Variants in RHBDD1 observed in about 807,000 individuals in gnomAD.
The protein encoded by RHBDD1 is rhomboid-related protein 4.
Under a neutral mutation model 36.3 loss-of-function variants are expected in RHBDD1, and 38 were observed. That is an observed-to-expected ratio of 1.05 (90% CI 0.81 to 1.37). RHBDD1 has a LOEUF of 1.37. Among genes scored for constraint, RHBDD1 ranks in the 40% most tolerant of loss-of-function variants. The pLI is 0.00. For synonymous variants in RHBDD1, 151 were observed against 136.5 expected, an observed-to-expected ratio of 1.11 and a Z score of -0.74; for missense variants, 393 against 377.6, an observed-to-expected ratio of 1.04 and a Z score of -0.34.
chr2:226,814,508 G>A, the RHBDD1 span, among the ~76,000 whole-genome samples: 1 of 152,098 alleles, frequency 6.6e-6, no homozygotes, highest in Non-Finnish European at 1.5e-5. Flanking sequence ...GCACATCTGA[G>A]ATATAGAGTA....
chr2:226,905,960 C>G (rs1412435105), intron 5 of RHBDD1, among the ~76,000 whole-genome samples: 1 of 151,938 alleles, frequency 6.6e-6, no homozygotes, highest in African/African-American at 2.4e-5. Context: ...AAGAACAACT[C>G]GTTGTGTAGG....
rs189809688 is a variant in RHBDD1, at chr2:226,927,364, T to C, written c.856+13013T>C. On this transcript the variant is annotated intron_variant, in intron 8 of 8. Transcript: ENST00000392062. ...TTTTTGTTTTTTTGTTTTTTTGTTTTAATCCTTTCACCAGTTGAAGGATAT... is the reference window on the plus strand; with the variant it reads ...TTTTTGTTTTTTTGTTTTTTTGTTTCAATCCTTTCACCAGTTGAAGGATAT... 4.7e-3 allele frequency among the ~76,000 whole-genome samples: 715 copies of C among 152,228 alleles called. 5 individuals carry two copies. Among genetic ancestry groups the C allele is most frequent in the African/African-American group, 0.016 (674 of 41,560 alleles).
At chr2:226,842,141 G>A (rs1941707321) in intron 3 of RHBDD1, among the ~76,000 whole-genome samples, 1 of 151,650 alleles carries the variant, frequency 6.6e-6, no homozygotes, top group Admixed American at 6.6e-5. Flanking sequence ...TTTTAATGGG[G>A]TTGTTTTTTT....
chr2:226,814,050 G>T, the RHBDD1 span, among the ~76,000 whole-genome samples: 745 of 152,260 alleles, frequency 4.9e-3, 8 homozygotes, highest in African/African-American at 0.017. Flanking sequence ...GTTGCCTGCT[G>T]TTTTTGGGTG....
At chr2:226,840,896 TTAAG>T (rs1321153611) in intron 3 of RHBDD1, among the ~76,000 whole-genome samples, 1 of 152,054 alleles carries the variant, frequency 6.6e-6, no homozygotes, top group Admixed American at 6.5e-5. Context: ...TTTTTTTTTC[TTAAG>T]TAAAAAGTCT....
chr2:226,908,629 C>G, intron 6 of RHBDD1, 193 bp from the exon 7 acceptor site: 1 of 557,314 alleles, frequency 1.8e-6, no homozygotes, highest in South Asian at 2.2e-5. Context: ...ACATTCTTTT[C>G]CCTGTAGGGA....
At chr2:226,968,483 T>G (rs1952830944) in intron 8 of RHBDD1, among the ~76,000 whole-genome samples, 1 of 152,160 alleles carries the variant, frequency 6.6e-6, no homozygotes, top group Non-Finnish European at 1.5e-5. Flanking sequence ...ATCCACATTA[T>G]CTAAAATAAT....
the RHBDD1 span, among the ~76,000 whole-genome samples, chr2:226,806,072 ATCTC>A: frequency 6.6e-6 from 1 of 151,548 alleles, no homozygotes; most frequent in Non-Finnish European, 1.5e-5. Context: ...GTTAACGAAC[ATCTC>A]TCTCTCTCTC....
the RHBDD1 span, among the ~76,000 whole-genome samples, chr2:226,806,967 T>G: frequency 6.6e-6 from 1 of 152,260 alleles, no homozygotes; most frequent in Non-Finnish European, 1.5e-5. Flanking sequence ...TTACCTAAGA[T>G]TATTTTTGGT....
At chr2:226,863,360 T>G (rs1316792607) in intron 3 of RHBDD1, among the ~76,000 whole-genome samples, 1 of 152,164 alleles carries the variant, frequency 6.6e-6, no homozygotes, top group Non-Finnish European at 1.5e-5. Context: ...ATACATTCAT[T>G]CATTCATTCA....
intron 8 of RHBDD1, among the ~76,000 whole-genome samples, chr2:226,950,424 A>T (rs1278202180): frequency 1.3e-5 from 2 of 152,158 alleles, no homozygotes; most frequent in South Asian, 2.1e-4. Flanking sequence ...ATATGTTACC[A>T]TGTTTTATTT....
intron 8 of RHBDD1, among the ~76,000 whole-genome samples, chr2:226,990,221 C>T (rs1330923470): frequency 2.0e-5 from 3 of 152,056 alleles, no homozygotes; most frequent in Admixed American, 6.6e-5. Flanking sequence ...TGGTCTTTGA[C>T]GGTAAATGAC....
Position 226,912,942 on chromosome 2 carries a change from G to A in RHBDD1, c.713-1266G>A, listed in dbSNP as rs1440326730. ...ACCAATATTTATATAAAAAACTAGT[G>A]TGTTTTGTCATTCGTTGTTTATATG... On this transcript the variant is annotated intron_variant, in intron 7 of 8. Transcript: ENST00000392062. Among the ~76,000 whole-genome samples, 4 of 152,118 alleles carry A rather than the reference G, an allele frequency of 2.6e-5. No homozygotes were observed. The East Asian group carries it at 7.7e-4, about 29-fold the overall frequency.
chr2:226,956,342 C>T (rs1457850227), intron 8 of RHBDD1, among the ~76,000 whole-genome samples: 2 of 152,156 alleles, frequency 1.3e-5, no homozygotes, highest in Non-Finnish European at 2.9e-5. Flanking sequence ...AGTCATCTGG[C>T]CTCTCCAGAC....
At chr2:226,827,999 G>A in the RHBDD1 span, among the ~76,000 whole-genome samples, 16 of 152,152 alleles carry the variant, frequency 1.1e-4, no homozygotes, top group Non-Finnish European at 2.9e-5. Flanking sequence ...CATTATTTAT[G>A]TATAGTTTGT....
intron 3 of RHBDD1, among the ~76,000 whole-genome samples, chr2:226,862,192 G>A (rs1943915504): frequency 6.6e-6 from 1 of 152,146 alleles, no homozygotes; most frequent in Non-Finnish European, 1.5e-5. Flanking sequence ...TTATAGAAAT[G>A]AAAGTAGTAG....
upstream of RHBDD1, among the ~76,000 whole-genome samples, chr2:226,833,770 T>G (rs1940801041): frequency 6.6e-6 from 1 of 152,226 alleles, no homozygotes; most frequent in South Asian, 2.1e-4. Context: ...TAAGCCTTGC[T>G]CAGTGAAAGG....
chr2:226,810,792 G>C, the RHBDD1 span: 3 of 152,068 alleles, frequency 2.0e-5, no homozygotes, highest in East Asian at 1.9e-4. Context: ...AGGGCCAGCT[G>C]TATGCTTAAA....
intron 5 of RHBDD1, among the ~76,000 whole-genome samples, chr2:226,882,452 A>G (rs865906850): frequency 4.0e-4 from 54 of 136,122 alleles, no homozygotes; most frequent in Middle Eastern, 3.5e-3. Context: ...AAAAAAAAAA[A>G]AAGAAGAAGA....
Sources: gnomAD v4.1 joint callset for allele counts (sites outside exome capture counted in the v4.1 genomes callset) on GRCh38, gnomAD v4.1.1 for gene constraint, MANE v1.5 for transcripts, NCBI Gene and HGNC (gene_info 2026-07-23, HGNC 2026-07-21) for gene names.